Variants in IL16 observed in about 807,000 individuals in gnomAD.
IL16 encodes the protein pro-interleukin-16.
IL16 carries 67 observed loss-of-function variants against 110.1 expected under a neutral mutation model. The observed-to-expected ratio is 0.61, with a 90% CI of 0.50 to 0.75. The LOEUF is 0.75. Among genes scored for constraint, IL16 ranks in the 30% least tolerant of loss-of-function variants. The pLI is 0.00. For synonymous variants in IL16, 689 were observed against 662.9 expected, an observed-to-expected ratio of 1.04 and a Z score of -0.61; for missense variants, 1,545 against 1,655.0, an observed-to-expected ratio of 0.93 and a Z score of 1.15.
At chr15:81,207,509 G>A (rs919805052) in intron 1 of IL16, among the ~76,000 whole-genome samples, 3 of 150,990 alleles carry the variant, frequency 2.0e-5, no homozygotes, top group East Asian at 1.9e-4. Context: ...TTTAACCCAC[G>A]CCCCACCTCC....
intron 10 of IL16, among the ~76,000 whole-genome samples, chr15:81,288,848 T>TGTGTGTGTGC (rs544352797): frequency 0.11 from 17,209 of 150,722 alleles, 1,243 homozygotes; most frequent in South Asian, 0.3. Context: ...TGTGTGTGTG[T>TGTGTGTGTGC]GCGTGTGTGT....
chr15:81,300,643 G>GTT (rs1254451380), intron 14 of IL16, among the ~76,000 whole-genome samples, 168 bp downstream of exon 14: 1 of 152,116 alleles, frequency 6.6e-6, no homozygotes, highest in Non-Finnish European at 1.5e-5. Context: ...GAGTGTGTGT[G>GTT]TGTCTGTCTG....
intron 1 of IL16, among the ~76,000 whole-genome samples, chr15:81,215,374 T>C (rs565469375): frequency 2.6e-5 from 4 of 152,344 alleles, no homozygotes; most frequent in African/African-American, 7.2e-5. Flanking sequence ...GTTTCACAGA[T>C]GCATATATTA....
intron 1 of IL16, among the ~76,000 whole-genome samples, chr15:81,199,060 T>TATAA (rs1305489471): frequency 7.1e-6 from 1 of 140,702 alleles, no homozygotes; most frequent in Non-Finnish European, 1.5e-5. Context: ...TATATATATA[T>TATAA]AAAATACATA....
intron 2 of IL16, among the ~76,000 whole-genome samples, chr15:81,226,919 A>G (rs560601549): frequency 6.6e-6 from 1 of 152,336 alleles, no homozygotes; most frequent in South Asian, 2.1e-4. Context: ...TGAAATTCAA[A>G]AAGTATTTCA....
intron 13 of IL16, among the ~76,000 whole-genome samples, chr15:81,297,973 A>T (rs1900075838): frequency 6.6e-6 from 1 of 152,250 alleles, no homozygotes; most frequent in Admixed American, 6.5e-5. Flanking sequence ...CATCTCACCC[A>T]GAGCAGAGGC....
chr15:81,266,727 G>T (rs72746153), intron 4 of IL16, among the ~76,000 whole-genome samples: 1,587 of 152,262 alleles, frequency 0.01, 15 homozygotes, highest in Non-Finnish European at 0.019. Context: ...CTCCAAAGGC[G>T]TGGACTTCAC....
At chr15:81,268,253 G>C (rs778628213) in intron 4 of IL16, among the ~76,000 whole-genome samples, 3 of 152,216 alleles carry the variant, frequency 2.0e-5, no homozygotes, top group Admixed American at 6.5e-5. Context: ...AGAGCAGCTC[G>C]TTATCCAGGG....
intron 13 of IL16, among the ~76,000 whole-genome samples, chr15:81,297,873 C>G (rs1900068643): frequency 6.6e-6 from 1 of 152,144 alleles, no homozygotes; most frequent in African/African-American, 2.4e-5. Flanking sequence ...AACATATAGA[C>G]TATAAAACAT....
At chr15:81,198,098 C>A (rs1566989991) in intron 1 of IL16, among the ~76,000 whole-genome samples, 1 of 152,296 alleles carries the variant, frequency 6.6e-6, no homozygotes, top group Non-Finnish European at 1.5e-5. Flanking sequence ...AGGCACCTCC[C>A]CTGCTGCAGA....
chr15:81,299,654 C>G lies in IL16; in HGVS notation c.2328C>G (p.Ser776Arg), dbSNP rs755105223. The G allele has an allele frequency of 8.1e-6, 13 of 1,614,222 alleles. No homozygotes were observed. In the South Asian group the frequency reaches 8.8e-5, roughly 11 times the overall value. ...GTPKVYKSAD[S>R]STVKKGPPVA... Reference sequence around the variant, plus strand: ...CCAAAGTTTACAAGTCAGCAGACAGCAGCACTGTGAAGAAAGGTCCTCCTG... The same window carrying G: ...CCAAAGTTTACAAGTCAGCAGACAGGAGCACTGTGAAGAAAGGTCCTCCTG... The change falls in exon 14 of 19, where the codon AGC becomes AGG. Residue 776 changes from serine (S) to arginine (R), a missense_variant. By Grantham distance (110) the Ser-to-Arg change is moderately radical (BLOSUM62 -1). Around this residue, in one of 3 missense-constraint regions of IL16, gnomAD observed 1,185 missense variants for 1,238.8 expected, o/e 0.96. Coordinates refer to ENST00000683961, the MANE Select transcript of IL16 (RefSeq NM_172217.5).
At chr15:81,209,257 C>T (rs1896145898) in intron 1 of IL16, among the ~76,000 whole-genome samples, 1 of 152,064 alleles carries the variant, frequency 6.6e-6, no homozygotes, top group Non-Finnish European at 1.5e-5. Context: ...ATCATGGGTA[C>T]ACCGAGGAGG....
intron 3 of IL16, among the ~76,000 whole-genome samples, chr15:81,261,539 A>C (rs1234372104): frequency 6.6e-6 from 1 of 152,188 alleles, no homozygotes; most frequent in African/African-American, 2.4e-5. Flanking sequence ...AAATTGTGTT[A>C]GGGTGGCCTG....
chr15:81,270,419 CT>C (rs2142240311), intron 5 of IL16, among the ~76,000 whole-genome samples: 1 of 152,072 alleles, frequency 6.6e-6, no homozygotes, highest in African/African-American at 2.4e-5. Context: ...CTAATTGCTA[CT>C]TATGGTCTGT....
At chr15:81,297,705 G>C (rs1309870770) in intron 13 of IL16, among the ~76,000 whole-genome samples, 1 of 152,176 alleles carries the variant, frequency 6.6e-6, no homozygotes, top group Non-Finnish European at 1.5e-5. Flanking sequence ...ATGTGTGGAA[G>C]AGCACGTAGA....
chr15:81,292,104 A>G (rs1187855946), intron 11 of IL16: 1 of 388,586 alleles, frequency 2.6e-6, no homozygotes, highest in Non-Finnish European at 5.1e-6. Flanking sequence ...CTGCAGCCAA[A>G]GTCCCCATTA....
intron 8 of IL16, among the ~76,000 whole-genome samples, chr15:81,280,319 C>T (rs1455600503): frequency 6.6e-6 from 1 of 152,182 alleles, no homozygotes; most frequent in East Asian, 1.9e-4. Context: ...AGCACAGGGG[C>T]CAGCATGTGT....
intron 3 of IL16, among the ~76,000 whole-genome samples, chr15:81,261,481 C>T (rs1041150137): frequency 6.6e-6 from 1 of 152,224 alleles, no homozygotes; most frequent in Non-Finnish European, 1.5e-5. Context: ...TCTGCTCCCC[C>T]ACCTTGGTGC....
chr15:81,237,088 G>T (rs1213099727), intron 2 of IL16, among the ~76,000 whole-genome samples: 1 of 152,160 alleles, frequency 6.6e-6, no homozygotes, highest in Non-Finnish European at 1.5e-5. Flanking sequence ...ATAACCCACT[G>T]GTTACTGCCT....
Sources: allele counts gnomAD v4.1 joint callset (sites outside exome capture counted in the v4.1 genomes callset), GRCh38; gene constraint gnomAD v4.1.1; regional missense constraint gnomAD v4.1.1; transcripts MANE v1.5; gene names NCBI Gene and HGNC (gene_info 2026-07-23, HGNC 2026-07-21).